Variants in IL1B observed in about 807,000 individuals in gnomAD.
IL1B encodes interleukin-1 beta.
In IL1B, 11 loss-of-function variants were observed where a neutral mutation model predicts 26.2. The ratio of observed to expected loss-of-function variants is 0.42; its 90% confidence interval spans 0.26 to 0.70. The LOEUF (loss-of-function observed/expected upper bound fraction) is 0.70, where lower values mean the gene tolerates loss of function less well. Among genes scored for constraint, IL1B ranks in the 30% least tolerant of loss-of-function variants. IL1B has a pLI of 0.25. For missense variants in IL1B, 255 were observed against 327.5 expected, an observed-to-expected ratio of 0.78 and a Z score of 1.71; for synonymous variants, 118 against 120.8, an observed-to-expected ratio of 0.98 and a Z score of 0.15.
In IL1B at chr2:112,830,418, T is replaced by C; in HGVS notation, c.753A>G (p.Gly251=). The C allele has an allele frequency of 1.2e-6, 2 of 1,614,150 alleles. No homozygotes were observed. Among genetic ancestry groups the C allele is most frequent in the African/African-American group, 1.3e-5 (1 of 75,014 alleles). Residue 251 remains glycine (G), a synonymous_variant, in exon 7 of 7, where the codon GGA becomes GGG. Transcript: ENST00000263341. ...SQAENMPVFL[G]GTKGGQDITD... ...TTATATCCTGGCCGCCTTTGGTCCC[T>C]CCCAGGAAGACGGGCATGTTTTCTG...
At chr2:112,836,362 A>T in intron 1 of IL1B, 118 bp from the exon 2 acceptor site, 1 of 781,534 alleles carries the variant, frequency 1.3e-6, no homozygotes, top group Non-Finnish European at 2.2e-6. Context: ...TAAATGAATG[A>T]ATGTGTGAAA....
chr2:112,831,306 T>A lies in IL1B; in HGVS notation c.583A>T (p.Thr195Ser). Residue 195 changes from threonine to serine, a missense_variant, in exon 6 of 7, where the codon ACT becomes TCT. Coordinates refer to ENST00000263341, the MANE Select transcript of IL1B (RefSeq NM_000576.3). ...CATTCACTTACCTCCAGCTGTAGAG[T>A]GGGCTTATCATCTTTCAACACGCAG... ...LSCVLKDDKP[T>S]LQLESVDPKN... The A allele has an allele frequency of 6.2e-7, 1 of 1,613,676 alleles. No individual in the cohort carries two copies. Among genetic ancestry groups the A allele is most frequent in the Non-Finnish European group, 8.5e-7 (1 of 1,179,876 alleles).
rs1174759418 is a variant in IL1B, at chr2:112,833,435, G to A, written c.240C>T (p.Pro80=). The A allele has an allele frequency of 1.2e-6, 2 of 1,614,174 alleles. No individual in the cohort carries two copies. Among genetic ancestry groups the A allele is most frequent in the Admixed American group, 1.7e-5 (1 of 60,036 alleles). ...CATTCTCCTGGAAGGTCTGTGGGCA[G>A]GGAACCAGCATCTTCCTCAGCTTGT... ...AMDKLRKMLV[P]CPQTFQENDL... The change falls in exon 4 of 7, where the codon CCC becomes CCT. Residue 80 remains proline (P), a synonymous_variant. Transcript: ENST00000263341.
Position 112,834,893 on chromosome 2 carries a change from G to T in IL1B, c.99+673C>A, listed in dbSNP as rs150638407. Among the ~76,000 whole-genome samples, 11 of 152,328 alleles carry T rather than the reference G, an allele frequency of 7.2e-5. No individual in the cohort carries two copies. In the East Asian group the frequency reaches 1.9e-3, roughly 27 times the overall value. On this transcript the variant is annotated intron_variant, in intron 3 of 6. Transcript: ENST00000263341. Reference sequence around the variant, plus strand: ...CAGCAGGAATATAACATGGCTCTTTGTAAGGATGAGTCTGAAAAATGACCA... The same window carrying T: ...CAGCAGGAATATAACATGGCTCTTTTTAAGGATGAGTCTGAAAAATGACCA...
chr2:112,832,544 AT>A lies in IL1B; in HGVS notation c.466+117del, dbSNP rs529316093. On this transcript the variant is annotated intron_variant, in intron 5 of 6. Transcript: ENST00000263341. ...CAAAGTTTGTATATTCCTTTTTAAT[AT>A]TTTTTTTCACTTGTGTTGATCATTT... 141 of 1,115,192 alleles carry A rather than the reference AT, an allele frequency of 1.3e-4. 1 individual carries two copies. The highest frequency in any genetic ancestry group is 8.2e-4 in the Middle Eastern group (3 of 3,670). 69.1% of individuals were successfully genotyped at this position (1,115,192 alleles called of 1,614,324 possible).
chr2:112,832,565 T>A, intron 5 of IL1B, 97 bp downstream of exon 5: 1 of 1,288,488 alleles, frequency 7.8e-7, no homozygotes. Context: ...CTTGTGTTGA[T>A]CATTTGCCTT....
chr2:112,833,225 G>A, intron 4 of IL1B, 149 bp downstream of exon 4: 1 of 748,648 alleles, frequency 1.3e-6, no homozygotes, highest in Non-Finnish European at 2.4e-6. Flanking sequence ...AGAGATGATT[G>A]CTTTGGTTTC....
chr2:112,830,939 A>C (rs1681974681), intron 6 of IL1B, among the ~76,000 whole-genome samples: 1 of 151,960 alleles, frequency 6.6e-6, no homozygotes, highest in Admixed American at 6.6e-5. Context: ...AGAAAGCTGG[A>C]GGTGATAGTG....
chr2:112,836,509 C>T, intron 1 of IL1B, 199 bp downstream of exon 1: 1 of 403,208 alleles, frequency 2.5e-6, no homozygotes, highest in South Asian at 2.2e-5. Flanking sequence ...GTATCCATTC[C>T]CAGAATATTT....
chr2:112,831,457 C>T (rs1681985410), intron 5 of IL1B, 35 bp from the exon 6 acceptor site: 1 of 1,610,686 alleles, frequency 6.2e-7, no homozygotes, highest in Non-Finnish European at 8.5e-7. Context: ...GTTAGGGACA[C>T]AGCAGTGCAG....
intron 2 of IL1B, 35 bp from the exon 3 acceptor site, chr2:112,835,652 C>T: frequency 6.4e-7 from 1 of 1,567,358 alleles, no homozygotes; most frequent in East Asian, 2.2e-5. Context: ...TCAATTATGT[C>T]TTCTAAACAG....
At chr2:112,831,080 A>T in intron 6 of IL1B, 1 of 571,262 alleles carries the variant, frequency 1.8e-6, no homozygotes, top group Non-Finnish European at 3.2e-6. Context: ...GGTAGGACAT[A>T]ATAACATCGG....
chr2:112,833,759 C>T (rs1483663925), intron 3 of IL1B, among the ~76,000 whole-genome samples, 184 bp from the exon 4 acceptor site: 2 of 152,058 alleles, frequency 1.3e-5, no homozygotes, highest in African/African-American at 2.4e-5. Flanking sequence ...TTTGGGAAGC[C>T]GAGGTGGATG....
intron 4 of IL1B, 97 bp downstream of exon 4, chr2:112,833,277 T>A: frequency 1.7e-6 from 2 of 1,206,854 alleles, no homozygotes; most frequent in Non-Finnish European, 2.4e-6. Context: ...CTTCTACCTT[T>A]AAAGGGCTTT....
At position 112,833,488 on chromosome 2, in the gene IL1B, G is replaced by C; in HGVS notation, c.187C>G (p.Gln63Glu). The change falls in exon 4 of 7, where the codon CAG becomes GAG. Residue 63 changes from glutamine (Q) to glutamate (E), a missense_variant. Physicochemically the swap from Gln to Glu is conservative, Grantham distance 29. Coordinates refer to ENST00000263341, the MANE Select transcript of IL1B (RefSeq NM_000576.3). Reference sequence around the variant, plus strand: ...ATGGCCACAACAACTGACGCGGCCTGCCTGAAGCCCTTGCTGTAGTGGTGG... The same window carrying C: ...ATGGCCACAACAACTGACGCGGCCTCCCTGAAGCCCTTGCTGTAGTGGTGG... ...SDHHYSKGFR[Q>E]AASVVVAMDK... The C allele has an allele frequency of 6.2e-7, 1 of 1,614,206 alleles. No individual in the cohort carries two copies. The highest frequency in any genetic ancestry group is 8.5e-7 in the Non-Finnish European group (1 of 1,180,034).
At chr2:112,832,979 G>C in intron 4 of IL1B, 153 bp from the exon 5 acceptor site, 1 of 741,820 alleles carries the variant, frequency 1.3e-6, no homozygotes, top group South Asian at 1.5e-5. Flanking sequence ...GGAGTGGGGT[G>C]GCTAAGAACA....
In IL1B at chr2:112,833,561, G is replaced by T. The variant is rs918845589; in HGVS notation, c.114C>A (p.Asp38Glu). The T allele has an allele frequency of 6.2e-7, 1 of 1,614,032 alleles. No individual in the cohort carries two copies. The highest frequency in any genetic ancestry group is 1.7e-5 in the Admixed American group (1 of 60,026). The change falls in exon 4 of 7, where the codon GAC becomes GAA. Residue 38 changes from aspartate (D) to glutamate (E), a missense_variant. Asp to Glu is a conservative substitution (Grantham distance 45, BLOSUM62 2). Coordinates refer to ENST00000263341, the MANE Select transcript of IL1B (RefSeq NM_000576.3). ...GPKQMKCSFQ[D>E]LDLCPLDGGI... The stretch of plus-strand genomic sequence containing the variant: ...CGCCATCCAGAGGGCAGAGGTCCAG[G>T]TCCTGGAAGGAGCACTGCGGAGAGA...
rs1682012198 is a variant in IL1B, at chr2:112,832,795, C to T, written c.333G>A (p.Glu111=). The change falls in exon 5 of 7, where the codon GAG becomes GAA. Residue 111 remains glutamate (E), a synonymous_variant. Coordinates refer to ENST00000263341, the MANE Select transcript of IL1B (RefSeq NM_000576.3). ...GTACAGGTGCATCGTGCACATAAGC[C>T]TCGTTATCCCATGTGTCGAAGAAGA... is the stretch of plus-strand genomic sequence containing the variant. ...EPIFFDTWDN[E]AYVHDAPVRS... is the part of the protein sequence containing the mutation. 1.2e-6 allele frequency: 2 copies of T among 1,614,180 alleles called. No homozygotes were observed. Among genetic ancestry groups the T allele is most frequent in the Non-Finnish European group, 1.7e-6 (2 of 1,180,038 alleles).
intron 2 of IL1B, 55 bp downstream of exon 2, chr2:112,836,128 C>CT: frequency 6.4e-7 from 1 of 1,552,450 alleles, no homozygotes. Flanking sequence ...AGATAACACT[C>CT]TACTCTTGAA....
Sources: allele counts gnomAD v4.1 joint callset (sites outside exome capture counted in the v4.1 genomes callset), GRCh38; gene constraint gnomAD v4.1.1; transcripts MANE v1.5; gene names NCBI Gene and HGNC (gene_info 2026-07-23, HGNC 2026-07-21).